The following PDE4D variants were observed in gnomAD, a reference collection of about 807,000 sequenced individuals.
PDE4D encodes 3',5'-cyclic-AMP phosphodiesterase 4D.
Under a neutral mutation model 87.4 loss-of-function variants are expected in PDE4D, and 24 were observed. The ratio of observed to expected loss-of-function variants is 0.27; its 90% CI spans 0.20 to 0.39. The LOEUF (loss-of-function observed/expected upper bound fraction) is 0.39, where lower values mean the gene tolerates loss of function less well. Ranked by LOEUF, PDE4D falls within the 10% of genes least tolerant of loss-of-function variation. PDE4D has a pLI of 1.00. For synonymous variants in PDE4D, 384 were observed against 383.2 expected (o/e 1.00, Z -0.02); for missense variants, 714 against 1,041.0 (o/e 0.69, Z 4.32).
chr5:60,448,030 A>G (rs958780435), intron 1 of PDE4D, among the ~76,000 whole-genome samples: 1 of 152,068 alleles, frequency 6.6e-6, no homozygotes, highest in Non-Finnish European at 1.5e-5. Context: ...CACTCATAAA[A>G]CTTGCTTGAA....
At chr5:59,807,705 A>G (rs1015427823) in intron 1 of PDE4D, among the ~76,000 whole-genome samples, 5 of 152,236 alleles carry the variant, frequency 3.3e-5, no homozygotes, top group African/African-American at 1.2e-4. Context: ...CGAAACATTC[A>G]GGTTCTGCAT....
In PDE4D at chr5:58,975,921, T is replaced by C; in HGVS notation, c.1831-82A>G. ...AACAAAAAAAACTAGAAATTCACAT[T>C]GGATGACTGCAACACTTAAAAATAC... On this transcript the variant is annotated intron_variant, in intron 13 of 14. Coordinates refer to ENST00000340635, the MANE Select transcript of PDE4D (RefSeq NM_001104631.2). The surrounding 1 kb of genome is among the most constrained non-coding windows in gnomAD (Gnocchi z 4.2). 1 of 1,022,952 alleles carries C rather than the reference T, an allele frequency of 9.8e-7. No homozygotes were observed. The highest frequency in any genetic ancestry group is 1.4e-6 in the Non-Finnish European group (1 of 733,178). The allele number at this position is 1,022,952 out of a possible 1,614,324, so 63.4% of individuals were successfully genotyped here. A position where few individuals can be genotyped will look rare whatever the true frequency, so the allele number is the denominator to read the frequency against.
intron 2 of PDE4D, among the ~76,000 whole-genome samples, chr5:60,099,896 C>A (rs1449543809): frequency 6.6e-6 from 1 of 151,926 alleles, no homozygotes; most frequent in Non-Finnish European, 1.5e-5. Flanking sequence ...CCCACAGATA[C>A]TTTGTACACA....
intron 1 of PDE4D, among the ~76,000 whole-genome samples, chr5:60,469,445 T>A (rs1274381719): frequency 6.6e-6 from 1 of 152,166 alleles, no homozygotes; most frequent in Non-Finnish European, 1.5e-5. Flanking sequence ...ATGTCTTCAA[T>A]GATCATCTCC....
chr5:59,192,118 T>C (rs1744464422), intron 3 of PDE4D, among the ~76,000 whole-genome samples: 1 of 152,182 alleles, frequency 6.6e-6, no homozygotes, highest in Non-Finnish European at 1.5e-5. Flanking sequence ...ATGTTACTTA[T>C]GAATTGATTA....
intron 2 of PDE4D, among the ~76,000 whole-genome samples, chr5:60,098,559 G>C (rs1001349111): frequency 2.0e-5 from 3 of 151,806 alleles, no homozygotes; most frequent in Admixed American, 2.0e-4. Context: ...GACTGTCTTT[G>C]TAATTTCTTT....
intron 6 of PDE4D, among the ~76,000 whole-genome samples, chr5:59,036,277 A>C (rs1758480762): frequency 6.6e-6 from 1 of 152,176 alleles, no homozygotes; most frequent in Non-Finnish European, 1.5e-5. Flanking sequence ...TATTAGAGTA[A>C]ATTTTTTAAA....
At chr5:60,259,069 C>G (rs1749381691) in intron 1 of PDE4D, among the ~76,000 whole-genome samples, 1 of 152,006 alleles carries the variant, frequency 6.6e-6, no homozygotes, top group Non-Finnish European at 1.5e-5. Context: ...CTATCTCTAT[C>G]TTCAGATGCT....
At chr5:59,883,804 A>T (rs1749787777) in intron 1 of PDE4D, among the ~76,000 whole-genome samples, 1 of 152,186 alleles carries the variant, frequency 6.6e-6, no homozygotes, top group Admixed American at 6.5e-5. Flanking sequence ...GCAATTACTC[A>T]GGAATTAATG....
At chr5:59,812,799 C>T (rs190969500) in intron 1 of PDE4D, among the ~76,000 whole-genome samples, 12 of 152,354 alleles carry the variant, frequency 7.9e-5, no homozygotes, top group African/African-American at 2.4e-4. Context: ...ACCTGAAGCA[C>T]AAGCTGATAT....
At chr5:59,669,393 T>C (rs995594681) in intron 1 of PDE4D, among the ~76,000 whole-genome samples, 1 of 152,196 alleles carries the variant, frequency 6.6e-6, no homozygotes, top group Non-Finnish European at 1.5e-5. Context: ...ATTACAGGCA[T>C]GAGTCACCGT....
intron 2 of PDE4D, among the ~76,000 whole-genome samples, chr5:60,181,856 T>C (rs1183840719): frequency 6.6e-6 from 1 of 152,166 alleles, no homozygotes; most frequent in Non-Finnish European, 1.5e-5. Context: ...AGGGATATTA[T>C]AAAGAAAAGA....
At chr5:59,091,484 C>A (rs62356690) in intron 5 of PDE4D, among the ~76,000 whole-genome samples, 35,239 of 151,914 alleles carry the variant, frequency 0.23, 4,718 homozygotes, top group Middle Eastern at 0.36. Context: ...CAGCTACATA[C>A]AACATTGATG....
intron 1 of PDE4D, among the ~76,000 whole-genome samples, chr5:60,258,016 A>T (rs1392821121): frequency 1.3e-5 from 2 of 151,966 alleles, no homozygotes; most frequent in Non-Finnish European, 2.9e-5. Flanking sequence ...GTTGAGACAA[A>T]GGGAAGAATG....
chr5:59,877,306 A>G (rs1431291629), intron 1 of PDE4D, among the ~76,000 whole-genome samples: 2 of 152,190 alleles, frequency 1.3e-5, no homozygotes, highest in Non-Finnish European at 2.9e-5. Context: ...CTATGCAGAT[A>G]GAATTAGCCA....
At chr5:60,087,693 C>T (rs373411285) in intron 2 of PDE4D, among the ~76,000 whole-genome samples, 64 of 151,380 alleles carry the variant, frequency 4.2e-4, no homozygotes, top group African/African-American at 5.6e-4. Flanking sequence ...ATGAAATTAC[C>T]CAGTCAGAGA....
intron 1 of PDE4D, among the ~76,000 whole-genome samples, chr5:59,733,122 A>G (rs1001460688): frequency 1.3e-5 from 2 of 152,160 alleles, no homozygotes; most frequent in Non-Finnish European, 2.9e-5. Context: ...ACTTATTTAC[A>G]GGATGAAAAG....
intron 3 of PDE4D, among the ~76,000 whole-genome samples, chr5:59,980,158 T>A (rs1474743979): frequency 3.3e-5 from 5 of 152,170 alleles, no homozygotes. Flanking sequence ...TAAAACAGAA[T>A]AAAAAGGCTT....
chr5:59,873,689 A>G (rs1481997807), intron 1 of PDE4D, among the ~76,000 whole-genome samples: 2 of 152,224 alleles, frequency 1.3e-5, no homozygotes, highest in African/African-American at 4.8e-5. Flanking sequence ...AAACAATAAA[A>G]GTACATAAGC....
Sources: allele counts gnomAD v4.1 joint callset (sites outside exome capture counted in the v4.1 genomes callset), GRCh38; gene constraint gnomAD v4.1.1; non-coding constraint Gnocchi (gnomAD v3.1); transcripts MANE v1.5; gene names NCBI Gene and HGNC (gene_info 2026-07-23, HGNC 2026-07-21).